The following RCAN2 variants were observed in gnomAD, a reference collection of about 807,000 sequenced individuals.
The protein encoded by RCAN2 is calcipressin-2.
In RCAN2, 9 loss-of-function variants were observed where a neutral mutation model predicts 23.6. That is an observed-to-expected ratio of 0.38 (90% confidence interval 0.23 to 0.67). The LOEUF (loss-of-function observed/expected upper bound fraction) is 0.67. RCAN2 is among the 30% of genes least tolerant of loss of function. The pLI is 0.51. For missense variants in RCAN2, 273 were observed against 302.3 expected (o/e 0.90, Z 0.72); for synonymous variants, 109 against 115.7 (o/e 0.94, Z 0.37).
chr6:46,231,715 T>C (rs1055826917), intron 4 of RCAN2, among the ~76,000 whole-genome samples: 6 of 152,298 alleles, frequency 3.9e-5, no homozygotes, highest in Non-Finnish European at 7.4e-5. Context: ...CGGAGGTTTG[T>C]TGCATTTTGT....
chr6:46,247,198 C>T (rs1400500347), intron 3 of RCAN2, among the ~76,000 whole-genome samples: 1 of 152,226 alleles, frequency 6.6e-6, no homozygotes, highest in African/African-American at 2.4e-5. Flanking sequence ...TTCAGGAGGC[C>T]TGGGATGGGG....
intron 2 of RCAN2, among the ~76,000 whole-genome samples, chr6:46,251,955 CTGGATCATA>C (rs1411652099): frequency 6.6e-6 from 1 of 152,144 alleles, no homozygotes; most frequent in African/African-American, 2.4e-5. Flanking sequence ...AGGTTTTTCA[CTGGATCATA>C]TGGGGCTTAA....
intron 2 of RCAN2, among the ~76,000 whole-genome samples, chr6:46,298,874 T>G (rs1304104527): frequency 7.9e-5 from 12 of 152,046 alleles, no homozygotes; most frequent in Admixed American, 7.9e-4. Context: ...CTATCAACAG[T>G]GGACTGGATG....
chr6:46,454,837 A>C (rs763302610), intron 2 of RCAN2, among the ~76,000 whole-genome samples: 3 of 152,222 alleles, frequency 2.0e-5, no homozygotes, highest in African/African-American at 7.2e-5. Flanking sequence ...AGATGTGTAC[A>C]GACTCCCATG....
intron 4 of RCAN2, among the ~76,000 whole-genome samples, chr6:46,228,399 T>C (rs1767623251): frequency 3.9e-5 from 6 of 152,222 alleles, no homozygotes; most frequent in Admixed American, 2.6e-4. Flanking sequence ...ATTATTATTG[T>C]GTGGGAGTCT....
intron 2 of RCAN2, among the ~76,000 whole-genome samples, chr6:46,426,217 A>C (rs772906668): frequency 6.6e-6 from 1 of 152,124 alleles, no homozygotes; most frequent in Non-Finnish European, 1.5e-5. Context: ...ACTTCTTTAA[A>C]AGGTGTGTTA....
At chr6:46,373,737 G>A (rs900087642) in intron 2 of RCAN2, among the ~76,000 whole-genome samples, 3 of 152,130 alleles carry the variant, frequency 2.0e-5, no homozygotes, top group Admixed American at 1.3e-4. Context: ...ACATAACAGA[G>A]TCTTCAGGAA....
intron 1 of RCAN2, among the ~76,000 whole-genome samples, chr6:46,468,178 C>T (rs1768447537): frequency 1.3e-5 from 2 of 152,200 alleles, no homozygotes; most frequent in African/African-American, 4.8e-5. Context: ...TATACCTTTA[C>T]TTAATCTGTT....
chr6:46,250,971 C>A (rs1046243848), intron 2 of RCAN2, among the ~76,000 whole-genome samples: 1 of 152,176 alleles, frequency 6.6e-6, no homozygotes, highest in Admixed American at 6.5e-5. Context: ...CCCCTCCTAT[C>A]TTTGACTCCT....
intron 2 of RCAN2, chr6:46,325,695 C>T: frequency 1.5e-6 from 2 of 1,357,136 alleles, no homozygotes; most frequent in Admixed American, 3.3e-5. Context: ...TCGCTCATGG[C>T]AATGACATCA....
In RCAN2 at chr6:46,410,013, C is replaced by T. The variant is rs533869480; in HGVS notation, c.225+46739G>A. ...GGCAAAGGAAAGGTGATTTTGTTTT[C>T]TCTCTCTCTCTCTCTCCTGGAGCAG... On this transcript the variant is annotated intron_variant, in intron 2 of 4. Transcript: ENST00000371374. 7.9e-5 allele frequency among the ~76,000 whole-genome samples: 12 copies of T among 151,086 alleles called. No homozygotes were observed. In the South Asian group the frequency reaches 8.4e-4, roughly 11 times the overall value.
intron 2 of RCAN2, among the ~76,000 whole-genome samples, chr6:46,371,376 G>C (rs985137481): frequency 6.6e-6 from 1 of 152,144 alleles, no homozygotes; most frequent in Non-Finnish European, 1.5e-5. Flanking sequence ...ATGAGCACAG[G>C]GCTGCTGGCC....
chr6:46,449,057 G>T (rs1036150927), intron 2 of RCAN2, among the ~76,000 whole-genome samples: 2 of 151,680 alleles, frequency 1.3e-5, no homozygotes, highest in African/African-American at 4.8e-5. Flanking sequence ...TGCAGATTAC[G>T]TGATCTTATA....
At chr6:46,300,777 T>C (rs1014596224) in intron 2 of RCAN2, among the ~76,000 whole-genome samples, 5 of 152,048 alleles carry the variant, frequency 3.3e-5, no homozygotes, top group Non-Finnish European at 7.4e-5. Flanking sequence ...AGGCACATTC[T>C]TTGCTATTAA....
chr6:46,234,258 G>A (rs542325147), intron 4 of RCAN2, among the ~76,000 whole-genome samples: 1 of 152,274 alleles, frequency 6.6e-6, no homozygotes, highest in East Asian at 1.9e-4. Context: ...TCTATTCTTG[G>A]ACACTTTCTT....
intron 2 of RCAN2, among the ~76,000 whole-genome samples, chr6:46,255,356 T>TGA (rs1279097860): frequency 2.0e-5 from 3 of 151,770 alleles, no homozygotes; most frequent in African/African-American, 7.3e-5. Flanking sequence ...TGAGAGGTTG[T>TGA]GAGGAAAGAA....
intron 2 of RCAN2, among the ~76,000 whole-genome samples, chr6:46,405,814 G>C (rs1434996137): frequency 1.3e-5 from 2 of 152,232 alleles, no homozygotes; most frequent in African/African-American, 4.8e-5. Context: ...CGTGGAGCAG[G>C]GGGTGGTGCT....
At chr6:46,283,718 GC>G (rs1317197599) in intron 2 of RCAN2, among the ~76,000 whole-genome samples, 2 of 152,164 alleles carry the variant, frequency 1.3e-5, no homozygotes, top group East Asian at 3.8e-4. Flanking sequence ...TTTCCCAAAG[GC>G]CTGGTTAACT....
chr6:46,383,567 T>C (rs1175649152), intron 2 of RCAN2, among the ~76,000 whole-genome samples: 1 of 152,182 alleles, frequency 6.6e-6, no homozygotes, highest in African/African-American at 2.4e-5. Context: ...ATATTAAAAA[T>C]ATATATGAAT....
Sources: allele counts gnomAD v4.1 joint callset (sites outside exome capture counted in the v4.1 genomes callset), GRCh38; gene constraint gnomAD v4.1.1; transcripts MANE v1.5; gene names NCBI Gene and HGNC (gene_info 2026-07-23, HGNC 2026-07-21).